Variants in TMEM178A observed in about 807,000 individuals in gnomAD.
TMEM178A encodes the protein transmembrane protein 178A, also known as transmembrane protein 178.
TMEM178A carries 12 observed loss-of-function variants against 29.1 expected under a neutral mutation model. The observed-to-expected ratio is 0.41, with a 90% confidence interval of 0.26 to 0.67. The LOEUF (loss-of-function observed/expected upper bound fraction) is 0.67. TMEM178A is among the 30% of genes least tolerant of loss of function. The pLI is 0.29. For missense variants in TMEM178A, 366 were observed against 419.1 expected, an observed-to-expected ratio of 0.87 and a Z score of 1.11; for synonymous variants, 210 against 187.2, an observed-to-expected ratio of 1.12 and a Z score of -0.99.
chr2:39,693,707 A>G lies in TMEM178A; in HGVS notation c.401-10374A>G, dbSNP rs141501619. On this transcript the variant is annotated intron_variant, in intron 1 of 3. Coordinates refer to ENST00000281961, the MANE Select transcript of TMEM178A (RefSeq NM_152390.3). ...AAATTATATCTTCTCTTTAGTCTTG[A>G]GTTGTAAATACTGTACCTGCCACAC... 6.1e-3 allele frequency among the ~76,000 whole-genome samples: 935 copies of G among 152,282 alleles called. 10 individuals carry two copies. The highest frequency in any genetic ancestry group is 0.022 in the African/African-American group (908 of 41,556).
At chr2:39,708,716 C>T (rs1320332197) in intron 3 of TMEM178A, among the ~76,000 whole-genome samples, 5 of 152,034 alleles carry the variant, frequency 3.3e-5, no homozygotes, top group Non-Finnish European at 2.9e-5. Flanking sequence ...CGCGCCCGGC[C>T]GATTTTTAAA....
At chr2:39,671,010 A>G (rs762967265) in intron 1 of TMEM178A, among the ~76,000 whole-genome samples, 2 of 152,216 alleles carry the variant, frequency 1.3e-5, no homozygotes, top group Non-Finnish European at 2.9e-5. Flanking sequence ...AAATGTGAAG[A>G]TTATAAGGCT....
At chr2:39,707,337 C>A in intron 3 of TMEM178A, 151 bp downstream of exon 3, 1 of 1,021,178 alleles carries the variant, frequency 9.8e-7, no homozygotes, top group Non-Finnish European at 1.4e-6. Flanking sequence ...CTGGAAAATA[C>A]AGAATTTAAG....
intron 1 of TMEM178A, among the ~76,000 whole-genome samples, chr2:39,678,682 T>G (rs1670734719): frequency 6.6e-6 from 1 of 152,192 alleles, no homozygotes; most frequent in South Asian, 2.1e-4. Flanking sequence ...ACACTTTAGT[T>G]AAGATGTAAA....
the TMEM178A span, among the ~76,000 whole-genome samples, chr2:39,723,478 ATAT>A: frequency 6.6e-6 from 1 of 152,204 alleles, no homozygotes. Context: ...CAGTGGAGCC[ATAT>A]TATTGTTAAC....
the TMEM178A span, among the ~76,000 whole-genome samples, chr2:39,728,261 G>A: frequency 2.2e-4 from 33 of 152,228 alleles, no homozygotes; most frequent in East Asian, 3.7e-3. Context: ...TCTAACTGGC[G>A]TGAGATGGTA....
intron 1 of TMEM178A, 92 bp downstream of exon 1, chr2:39,666,466 C>T (rs929556482): frequency 4.6e-6 from 5 of 1,081,304 alleles, no homozygotes; most frequent in African/African-American, 1.7e-5. Context: ...GCAGCCCCCT[C>T]CCAGCCGCGG....
intron 1 of TMEM178A, among the ~76,000 whole-genome samples, chr2:39,681,303 T>A (rs1670860416): frequency 6.6e-6 from 1 of 152,214 alleles, no homozygotes; most frequent in Non-Finnish European, 1.5e-5. Context: ...GTCATCTCCA[T>A]CAGGGTCAGG....
chr2:39,668,015 A>T (rs1345622701), intron 1 of TMEM178A, among the ~76,000 whole-genome samples: 3 of 152,224 alleles, frequency 2.0e-5, no homozygotes, highest in Non-Finnish European at 4.4e-5. Context: ...TTCTATGCTT[A>T]GAGTATTTGA....
In TMEM178A at chr2:39,694,070, ATG is replaced by A. The variant is rs574244807; in HGVS notation, c.401-10007_401-10006del. 1.4e-3 allele frequency among the ~76,000 whole-genome samples: 208 copies of A among 150,968 alleles called. 1 individual carries two copies. Among genetic ancestry groups the A allele is most frequent in the African/African-American group, 4.9e-3 (202 of 41,110 alleles). ...TCTCCCTCTTTGGCCCCTAGAGATAATGTGTTTGCAGTTCAAGGAACTCACCT... is the reference window on the plus strand; with the variant it reads ...TCTCCCTCTTTGGCCCCTAGAGATAATGTTTGCAGTTCAAGGAACTCACCT... On this transcript the variant is annotated intron_variant, in intron 1 of 3. Coordinates refer to ENST00000281961, the MANE Select transcript of TMEM178A (RefSeq NM_152390.3).
chr2:39,676,706 G>A (rs2148060569), intron 1 of TMEM178A, among the ~76,000 whole-genome samples: 1 of 152,314 alleles, frequency 6.6e-6, no homozygotes, highest in South Asian at 2.1e-4. Flanking sequence ...AGCCACGGAA[G>A]AGGGGTTCCA....
At chr2:39,722,275 A>C (rs914688568), downstream of TMEM178A, among the ~76,000 whole-genome samples, 1 of 152,208 alleles carries the variant, frequency 6.6e-6, no homozygotes, top group Non-Finnish European at 1.5e-5. Context: ...AGTTAGGTTA[A>C]TTACTAAGGG....
downstream of TMEM178A, among the ~76,000 whole-genome samples, chr2:39,720,922 T>C (rs1159979036): frequency 2.0e-5 from 3 of 152,216 alleles, no homozygotes; most frequent in Non-Finnish European, 4.4e-5. Flanking sequence ...TAACTTAAAA[T>C]GTGTTATGAA....
At chr2:39,675,297 C>T (rs778536128) in intron 1 of TMEM178A, among the ~76,000 whole-genome samples, 1 of 152,056 alleles carries the variant, frequency 6.6e-6, no homozygotes, top group Non-Finnish European at 1.5e-5. Context: ...GGCACCACCA[C>T]TGATTTGGAA....
chr2:39,686,505 C>T (rs921839027), intron 1 of TMEM178A, among the ~76,000 whole-genome samples: 23 of 152,080 alleles, frequency 1.5e-4, no homozygotes, highest in African/African-American at 5.3e-4. Flanking sequence ...GCACAGGCAC[C>T]GGCTTCTGGT....
Position 39,665,936 on chromosome 2 carries a change from C to T in TMEM178A, c.-39C>T, listed in dbSNP as rs1216953688. ...CCAAGTGCATTGTGTCTGGCGGCGG[C>T]GCGCGAGCCCACCGGCGGCTGCGGC... On this transcript the variant is annotated 5_prime_UTR_variant, in exon 1 of 4. Coordinates refer to ENST00000281961, the MANE Select transcript of TMEM178A (RefSeq NM_152390.3). The T allele has an allele frequency of 1.5e-6, 2 of 1,347,116 alleles. No homozygotes were observed. The allele number at this position is 1,347,116 out of a possible 1,614,324, so 83.4% of individuals were successfully genotyped here. A position where few individuals can be genotyped will look rare whatever the true frequency, so the allele number is the denominator to read the frequency against.
chr2:39,692,858 C>T (rs891096007), intron 1 of TMEM178A, among the ~76,000 whole-genome samples: 1 of 152,198 alleles, frequency 6.6e-6, no homozygotes, highest in South Asian at 2.1e-4. Flanking sequence ...TTCTAGTTTA[C>T]ACTTTTGCAT....
intron 1 of TMEM178A, among the ~76,000 whole-genome samples, chr2:39,696,905 A>G (rs1463974371): frequency 6.6e-6 from 1 of 152,066 alleles, no homozygotes; most frequent in African/African-American, 2.4e-5. Context: ...ATAAACCACA[A>G]CTTGTTCTTT....
chr2:39,666,092 A>G lies in TMEM178A; in HGVS notation c.118A>G (p.Lys40Glu). The G allele has an allele frequency of 6.4e-7, 1 of 1,567,788 alleles. No homozygotes were observed. The highest frequency in any genetic ancestry group is 8.6e-7 in the Non-Finnish European group (1 of 1,160,916). The change falls in exon 1 of 4, where the codon AAG becomes GAG. Residue 40 changes from lysine to glutamate, a missense_variant. Physicochemically the swap from Lys to Glu is moderately conservative, Grantham distance 56 (BLOSUM62 1). Coordinates refer to ENST00000281961, the MANE Select transcript of TMEM178A (RefSeq NM_152390.3). ...HWYETDPRRH[K>E]ESCERSRAGA... ...GTACGAGACCGACCCCCGGCGCCAC[A>G]AGGAGAGCTGCGAGCGCAGCCGCGC...
Sources: gnomAD v4.1 joint callset for allele counts (sites outside exome capture counted in the v4.1 genomes callset) on GRCh38, gnomAD v4.1.1 for gene constraint, MANE v1.5 for transcripts, NCBI Gene and HGNC (gene_info 2026-07-23, HGNC 2026-07-21) for gene names.